Variants in GNG7 observed in about 807,000 individuals in gnomAD.
GNG7 encodes the protein guanine nucleotide-binding protein G(I)/G(S)/G(O) subunit gamma-7.
A neutral mutation model predicts 4.0 loss-of-function variants in GNG7; 1 was observed. That is an observed-to-expected ratio of 0.25 (90% confidence interval 0.09 to 1.18). The LOEUF (loss-of-function observed/expected upper bound fraction) is 1.18. Ranked by LOEUF, GNG7 falls within the 50% of genes most tolerant of loss-of-function variation. The probability of loss-of-function intolerance (pLI) is 0.50; values close to 1 mark genes in which losing one functional copy is unlikely to be tolerated. For synonymous variants in GNG7, 34 were observed against 36.9 expected (o/e 0.92, Z 0.29); for missense variants, 86 against 91.9 (o/e 0.94, Z 0.26).
chr19:2,622,324 CTGTG>C, intron 2 of GNG7, among the ~76,000 whole-genome samples: 1 of 152,356 alleles, frequency 6.6e-6, no homozygotes, highest in East Asian at 1.9e-4. Context: ...TGTGATCCGC[CTGTG>C]TCGGCCTCCC....
intron 3 of GNG7, among the ~76,000 whole-genome samples, chr19:2,526,768 T>G (rs1978410744): frequency 6.6e-6 from 1 of 150,530 alleles, no homozygotes; most frequent in African/African-American, 2.4e-5. Flanking sequence ...TTATAATATA[T>G]TTAGATTACT....
chr19:2,595,131 A>ATTTTT (rs1980976166), intron 2 of GNG7: 1 of 34,838 alleles, frequency 2.9e-5, no homozygotes, highest in Non-Finnish European at 1.1e-4. Context: ...AAAGAAATTA[A>ATTTTT]ATTTTTTTTT....
At chr19:2,578,974 G>T (rs1014957318) in intron 2 of GNG7, among the ~76,000 whole-genome samples, 2 of 151,898 alleles carry the variant, frequency 1.3e-5, no homozygotes. Flanking sequence ...CCCGGCGCCA[G>T]ACCTGCTTGT....
At chr19:2,553,521 C>T (rs1979411675) in intron 3 of GNG7, among the ~76,000 whole-genome samples, 1 of 148,142 alleles carries the variant, frequency 6.8e-6, no homozygotes, top group Non-Finnish European at 1.5e-5. Context: ...CATATATGTA[C>T]ACATTACATG....
chr19:2,605,792 G>A (rs1981366897), intron 2 of GNG7, among the ~76,000 whole-genome samples: 1 of 152,016 alleles, frequency 6.6e-6, no homozygotes, highest in African/African-American at 2.4e-5. Context: ...GATGACAGGT[G>A]TGAGCCACCG....
intron 2 of GNG7, among the ~76,000 whole-genome samples, chr19:2,608,719 G>A (rs551948062): frequency 2.6e-5 from 4 of 152,272 alleles, no homozygotes; most frequent in East Asian, 1.9e-4. Context: ...GGGCAGACAC[G>A]GAGGACACAC....
chr19:2,563,191 A>G (rs1227637772), intron 2 of GNG7, among the ~76,000 whole-genome samples: 1 of 151,706 alleles, frequency 6.6e-6, no homozygotes, highest in East Asian at 1.9e-4. Flanking sequence ...CTCGCGATCC[A>G]CCTGCCTCAG....
chr19:2,644,266 C>G (rs1031063770), intron 2 of GNG7, among the ~76,000 whole-genome samples: 4 of 106,458 alleles, frequency 3.8e-5, no homozygotes, highest in African/African-American at 1.4e-4. Context: ...GGTGATCCAC[C>G]TGCCTTGGCC....
chr19:2,640,315 G>A (rs1047832708), intron 2 of GNG7, among the ~76,000 whole-genome samples: 8 of 152,032 alleles, frequency 5.3e-5, no homozygotes, highest in Admixed American at 4.6e-4. Flanking sequence ...CATTCCAAAA[G>A]CCCAGCTAGG....
intron 2 of GNG7, among the ~76,000 whole-genome samples, chr19:2,623,511 G>A (rs144895994): frequency 6.9e-4 from 105 of 152,312 alleles, no homozygotes; most frequent in African/African-American, 2.4e-3. Context: ...GCCATGAAAA[G>A]GAAGGGAATC....
intron 1 of GNG7, among the ~76,000 whole-genome samples, chr19:2,677,480 G>A (rs764983923): frequency 6.6e-6 from 1 of 151,236 alleles, no homozygotes; most frequent in Non-Finnish European, 1.5e-5. Context: ...TGCCAAGGGG[G>A]AGAGACTCTG....
At chr19:2,538,657 A>G (rs748998841) in intron 3 of GNG7, 1 of 451,298 alleles carries the variant, frequency 2.2e-6, no homozygotes, top group Admixed American at 2.5e-5. Flanking sequence ...AAAGGCATGC[A>G]TATATTTTAC....
At chr19:2,670,460 A>G (rs1420174551) in intron 1 of GNG7, among the ~76,000 whole-genome samples, 1 of 152,190 alleles carries the variant, frequency 6.6e-6, no homozygotes, top group African/African-American at 2.4e-5. Context: ...CTGACTCCAC[A>G]AAGTCAGCCC....
At chr19:2,660,155 T>G (rs779461372) in intron 1 of GNG7, among the ~76,000 whole-genome samples, 3 of 152,192 alleles carry the variant, frequency 2.0e-5, no homozygotes, top group Non-Finnish European at 4.4e-5. Flanking sequence ...TAGCCTAGGA[T>G]GCATGTGTAA....
Position 2,520,626 on chromosome 19 carries a change from G to A in GNG7, c.63C>T (p.Ala21=), listed in dbSNP as rs369491069. 5.2e-6 allele frequency: 8 copies of A among 1,549,666 alleles called. No homozygotes were observed. Among genetic ancestry groups the A allele is most frequent in the South Asian group, 1.2e-5 (1 of 84,314 alleles). ...GGCTCACCTTGATGCGCTCAATCCC[G>A]GCTTCTATGCGTAGCTGTTCCACCA... ...RKLVEQLRIE[A]GIERIKVSKA... Residue 21 remains alanine (A), a synonymous_variant, in exon 4 of 5, where the codon GCC becomes GCT. Coordinates refer to ENST00000382159, the MANE Select transcript of GNG7 (RefSeq NM_052847.3).
Position 2,633,039 on chromosome 19 carries a change from G to A in GNG7, c.-78+13185C>T, listed in dbSNP as rs1568268583. On this transcript the variant is annotated intron_variant, in intron 2 of 4. Transcript: ENST00000382159. This position sits in a 1 kb window ranked among gnomAD's most constrained non-coding sequence, Gnocchi z 5.9. ...CAGACCCCACCTTGGGCCTCCCCAG[G>A]CTGCACCTTAACCATCTATGACACG... Among the ~76,000 whole-genome samples, 1 of 152,214 alleles carries A rather than the reference G, an allele frequency of 6.6e-6. No individual in the cohort carries two copies. Among genetic ancestry groups the A allele is most frequent in the African/African-American group, 2.4e-5 (1 of 41,468 alleles).
At chr19:2,553,038 C>G (rs1979384326) in intron 3 of GNG7, among the ~76,000 whole-genome samples, 1 of 150,008 alleles carries the variant, frequency 6.7e-6, no homozygotes, top group African/African-American at 2.5e-5. Context: ...ATGAGAAAAA[C>G]TGGCGAGTCG....
In GNG7 at chr19:2,591,667, T is replaced by C. The variant is rs117741160; in HGVS notation, c.-77-36479A>G. The stretch of plus-strand genomic sequence containing the variant: ...GCCACAAAGCCAGTAAAAAGGCACA[T>C]AGCAAACTGGAAGAAAATAGTAATA... On this transcript the variant is annotated intron_variant, in intron 2 of 4. Coordinates refer to ENST00000382159, the MANE Select transcript of GNG7 (RefSeq NM_052847.3). Among the ~76,000 whole-genome samples, 79 of 152,134 alleles carry C rather than the reference T, an allele frequency of 5.2e-4. No homozygotes were observed. In the East Asian group the frequency reaches 0.013, roughly 25 times the overall value.
At chr19:2,635,450 C>T (rs188866811) in intron 2 of GNG7, among the ~76,000 whole-genome samples, 8 of 152,280 alleles carry the variant, frequency 5.3e-5, no homozygotes, top group African/African-American at 1.4e-4. Flanking sequence ...ACAGGGGGAC[C>T]CCAGCTCCTG....
Sources: gnomAD v4.1 joint callset for allele counts (sites outside exome capture counted in the v4.1 genomes callset) on GRCh38, gnomAD v4.1.1 for gene constraint, Gnocchi (gnomAD v3.1) non-coding constraint, MANE v1.5 for transcripts, NCBI Gene and HGNC (gene_info 2026-07-23, HGNC 2026-07-21) for gene names.